PCDHGB5: variants seen among roughly 807,000 people sequenced by gnomAD.
PCDHGB5 encodes the protein protocadherin gamma-B5.
A neutral mutation model predicts 62.9 loss-of-function variants in PCDHGB5; 48 were observed. The ratio of observed to expected loss-of-function variants is 0.76; its 90% CI spans 0.61 to 0.97. The LOEUF (loss-of-function observed/expected upper bound fraction) is 0.97, where lower values mean the gene tolerates loss of function less well. Among genes scored for constraint, PCDHGB5 ranks in the 50% least tolerant of loss-of-function variants. The pLI, the probability that PCDHGB5 is intolerant of heterozygous loss-of-function variation, is 0.00. For synonymous variants in PCDHGB5, 474 were observed against 511.2 expected, an observed-to-expected ratio of 0.93 and a Z score of 0.98; for missense variants, 1,118 against 1,198.6, an observed-to-expected ratio of 0.93 and a Z score of 0.99.
intron 2 of PCDHGB5, among the ~76,000 whole-genome samples, chr5:141,503,611 A>AG (rs992110793): frequency 6.6e-6 from 1 of 151,948 alleles, no homozygotes; most frequent in Non-Finnish European, 1.5e-5. Flanking sequence ...AAAAAAAAAA[A>AG]AAAGAAAAAA....
chr5:141,444,152 A>AT (rs747671382), intron 1 of PCDHGB5, among the ~76,000 whole-genome samples: 1,130 of 33,890 alleles, frequency 0.033, 460 homozygotes, highest in Non-Finnish European at 0.038. Flanking sequence ...TGTGTACTGG[A>AT]TTTTTTTTTT....
chr5:141,485,426 C>T lies in PCDHGB5; in HGVS notation c.2398-9381C>T. 6.2e-7 allele frequency: 1 copy of T among 1,614,158 alleles called. No individual in the cohort carries two copies. Among genetic ancestry groups the T allele is most frequent in the South Asian group, 1.1e-5 (1 of 91,078 alleles). ...TGTGGATTTGGACAGCGGAGCCCTGCTCATCAAGAACCCAATCGACCGAGA... is the reference window on the plus strand; with the variant it reads ...TGTGGATTTGGACAGCGGAGCCCTGTTCATCAAGAACCCAATCGACCGAGA... On this transcript the variant is annotated intron_variant, in intron 1 of 3. Transcript: ENST00000617380. The surrounding 1 kb of genome is among the most constrained non-coding windows in gnomAD (Gnocchi z 5.7).
In PCDHGB5 at chr5:141,511,351, C is replaced by A. The variant is rs1190324197; in HGVS notation, c.*178C>A. 11 of 1,386,432 alleles carry A rather than the reference C, an allele frequency of 7.9e-6. No individual in the cohort carries two copies. Among genetic ancestry groups the A allele is most frequent in the South Asian group, 4.5e-5 (3 of 67,158 alleles). The allele number at this position is 1,386,432 out of a possible 1,614,324, so 85.9% of individuals were successfully genotyped here. On this transcript the variant is annotated 3_prime_UTR_variant, in exon 4 of 4. Transcript: ENST00000617380. ...CCAGTCAGCACCTACCCCTTCCCCC[C>A]CAGGGGGTTGAATATGCAAAAGCAG...
rs934044974 is a variant in PCDHGB5, at chr5:141,476,034, C to T, written c.2398-18773C>T. 3 of 1,464,488 alleles carry T rather than the reference C, an allele frequency of 2.0e-6. No individual in the cohort carries two copies. The highest frequency in any genetic ancestry group is 2.3e-5 in the Admixed American group (1 of 44,364). The allele number at this position is 1,464,488 out of a possible 1,614,324, so 90.7% of individuals were successfully genotyped here. A position where few individuals can be genotyped will look rare whatever the true frequency, so the allele number is the denominator to read the frequency against. On this transcript the variant is annotated intron_variant, in intron 1 of 3. Transcript: ENST00000617380. The surrounding 1 kb of genome is among the most constrained non-coding windows in gnomAD (Gnocchi z 7.6). ...CCATGTCGGACTCGGCGCCCAGCGC[C>T]CAAGCGCTAACCCGCTGAAAGTTTC...
chr5:141,502,470 G>A (rs1017558920), intron 2 of PCDHGB5, among the ~76,000 whole-genome samples: 5 of 150,916 alleles, frequency 3.3e-5, no homozygotes, highest in Admixed American at 2.6e-4. Flanking sequence ...AATACTTCCC[G>A]CAGCATCACA....
Position 141,476,854 on chromosome 5 carries a change from G to A in PCDHGB5, c.2398-17953G>A. The A allele has an allele frequency of 6.2e-7, 1 of 1,613,860 alleles. No individual in the cohort carries two copies. The highest frequency in any genetic ancestry group is 1.1e-5 in the South Asian group (1 of 91,088). ...ATGACAATGCGCCTGTCTTCAACCA[G>A]TCCTTGTACCGGGCGCGCGTCCTGG... On this transcript the variant is annotated intron_variant, in intron 1 of 3. Transcript: ENST00000617380. This position sits in a 1 kb window ranked among gnomAD's most constrained non-coding sequence, Gnocchi z 7.6.
chr5:141,398,923 G>A lies in PCDHGB5; in HGVS notation c.796G>A (p.Ala266Thr). ...PPGTTVLQVS[A>T]TDQDEGINSE... ...AGGCACCACTGTGTTGCAAGTGTCA[G>A]CCACTGACCAAGACGAGGGCATCAA... The change falls in exon 1 of 4, where the codon GCC (alanine) becomes ACC (threonine). Residue 266 changes from alanine (A) to threonine (T), a missense_variant. Physicochemically the swap from Ala to Thr is moderately conservative, Grantham distance 58. Transcript: ENST00000617380. The A allele has an allele frequency of 6.2e-7, 1 of 1,613,978 alleles. No individual in the cohort carries two copies. The highest frequency in any genetic ancestry group is 8.5e-7 in the Non-Finnish European group (1 of 1,179,896).
At chr5:141,415,458 C>G (rs2095871921) in intron 1 of PCDHGB5, 7 of 1,614,204 alleles carry the variant, frequency 4.3e-6, no homozygotes, top group Non-Finnish European at 5.1e-6. Context: ...CCCACGAGGT[C>G]TCTCTCACCG....
rs2233610 is a variant in PCDHGB5, at chr5:141,505,535, G to A, written c.2545+54G>A. ...AGTGGGAGACCTGGGGTTCTGGGGT[G>A]CATCTCACAGCCACCATGCCCACGG... is the stretch of plus-strand genomic sequence containing the variant. On this transcript the variant is annotated intron_variant, in intron 3 of 3. Transcript: ENST00000617380. 12 of 1,610,344 alleles carry A rather than the reference G, an allele frequency of 7.5e-6. No individual in the cohort carries two copies. The East Asian group carries it at 1.8e-4, about 24-fold the overall frequency.
chr5:141,424,005 C>A, intron 1 of PCDHGB5: 1 of 1,070,322 alleles, frequency 9.3e-7, no homozygotes. Context: ...TATATAGATA[C>A]AAATTAATGA....
At chr5:141,501,602 A>T (rs766918685) in intron 2 of PCDHGB5, among the ~76,000 whole-genome samples, 1 of 152,026 alleles carries the variant, frequency 6.6e-6, no homozygotes. Flanking sequence ...TACCAGTTCC[A>T]GCTGTGTGAC....
Position 141,431,669 on chromosome 5 carries a change from A to G in PCDHGB5, c.2397+31145A>G, listed in dbSNP as rs2154554523. ...TTGTAATTCAGGGACAATATCAACA[A>G]TAGGGGAGTTGGACCACGAGGAGTC... On this transcript the variant is annotated intron_variant, in intron 1 of 3. Transcript: ENST00000617380. The surrounding 1 kb of genome is among the most constrained non-coding windows in gnomAD (Gnocchi z 4.8). 2 of 1,614,210 alleles carry G rather than the reference A, an allele frequency of 1.2e-6. No individual in the cohort carries two copies. Among genetic ancestry groups the G allele is most frequent in the South Asian group, 1.1e-5 (1 of 91,084 alleles).
At position 141,511,871 on chromosome 5, in the gene PCDHGB5, A is replaced by T. The variant is rs1306732557; in HGVS notation, c.*698A>T. On this transcript the variant is annotated 3_prime_UTR_variant, in exon 4 of 4. Coordinates refer to ENST00000617380, the MANE Select transcript of PCDHGB5 (RefSeq NM_018925.3). ...TTGTTTTTCATTGTTTGACGTTTCCACTGCATGCCTTGACTTCCCCCACCT... is the reference window on the plus strand; with the variant it reads ...TTGTTTTTCATTGTTTGACGTTTCCTCTGCATGCCTTGACTTCCCCCACCT... 1 of 156,376 alleles carries T rather than the reference A, an allele frequency of 6.4e-6. No homozygotes were observed. The highest frequency in any genetic ancestry group is 1.9e-4 in the East Asian group (1 of 5,268). 9.7% of individuals were successfully genotyped at this position (156,376 alleles called of 1,614,324 possible).
At chr5:141,494,972 C>G in intron 2 of PCDHGB5, 107 bp downstream of exon 2, 1 of 1,581,852 alleles carries the variant, frequency 6.3e-7, no homozygotes, top group Non-Finnish European at 8.6e-7. Context: ...TGGCTTCTCC[C>G]TCAGTTTGAG....
chr5:141,490,482 G>A lies in PCDHGB5; in HGVS notation c.2398-4325G>A. On this transcript the variant is annotated intron_variant, in intron 1 of 3. Coordinates refer to ENST00000617380, the MANE Select transcript of PCDHGB5 (RefSeq NM_018925.3). The surrounding 1 kb of genome is among the most constrained non-coding windows in gnomAD (Gnocchi z 5.4). ...TGCTAACCAGCCAGCCTTTGGACCG[G>A]GAGGCCACATCCCACTATATCATCG... 2.5e-6 allele frequency: 4 copies of A among 1,614,154 alleles called. No homozygotes were observed. In the South Asian group the frequency reaches 4.4e-5, roughly 18 times the overall value.
intron 1 of PCDHGB5, chr5:141,427,536 G>A (rs758610182): frequency 4.8e-6 from 3 of 626,396 alleles, no homozygotes; most frequent in Middle Eastern, 2.5e-4. Flanking sequence ...GGAGTACAAC[G>A]TCACCATCAC....
rs60063068 is a variant in PCDHGB5, at chr5:141,477,262, C to T, written c.2398-17545C>T. The T allele has an allele frequency of 1.9e-4, 313 of 1,614,138 alleles. No individual in the cohort carries two copies. In the African/African-American group the frequency reaches 3.7e-3, roughly 19 times the overall value. On this transcript the variant is annotated intron_variant, in intron 1 of 3. Coordinates refer to ENST00000617380, the MANE Select transcript of PCDHGB5 (RefSeq NM_018925.3). This position sits in a 1 kb window ranked among gnomAD's most constrained non-coding sequence, Gnocchi z 4.9. ...TCAGTGTGACTGACCTGGATGCTGG[C>T]GAGAACGGGCTGGTGACCTGCGAAG...
At position 141,410,301 on chromosome 5, in the gene PCDHGB5, C is replaced by A. The variant is rs1294760427; in HGVS notation, c.2397+9777C>A. ...CTGGTGGTGGCCTTGGCCTTAATCT[C>A]AGTGCTCTTCCTCCTCGCCGTGATT... On this transcript the variant is annotated intron_variant, in intron 1 of 3. Transcript: ENST00000617380. 2.5e-6 allele frequency: 4 copies of A among 1,614,030 alleles called. No individual in the cohort carries two copies. In the Admixed American group the frequency reaches 6.7e-5, roughly 27 times the overall value.
intron 2 of PCDHGB5, among the ~76,000 whole-genome samples, chr5:141,504,451 G>A (rs2099838355): frequency 1.3e-5 from 2 of 152,070 alleles, no homozygotes; most frequent in South Asian, 4.2e-4. Context: ...CTAGTGCCAT[G>A]TGGGGCAGCC....
Sources: allele counts gnomAD v4.1 joint callset (sites outside exome capture counted in the v4.1 genomes callset), GRCh38; gene constraint gnomAD v4.1.1; non-coding constraint Gnocchi (gnomAD v3.1); transcripts MANE v1.5; gene names NCBI Gene and HGNC (gene_info 2026-07-23, HGNC 2026-07-21).